The following NAA25 variants were observed in gnomAD, a reference collection of about 807,000 sequenced individuals.
NAA25 encodes the protein N-terminal acetyltransferase B complex subunit NAA25.
Under a neutral mutation model 132.5 loss-of-function variants are expected in NAA25, and 30 were observed. The ratio of observed to expected loss-of-function variants is 0.23; its 90% CI spans 0.17 to 0.31. The LOEUF (loss-of-function observed/expected upper bound fraction) is 0.31, where lower values mean the gene tolerates loss of function less well. Ranked by LOEUF, NAA25 falls within the 10% of genes least tolerant of loss-of-function variation. The probability of loss-of-function intolerance (pLI) is 1.00; values close to 1 mark genes in which losing one functional copy is unlikely to be tolerated. For missense variants in NAA25, 771 were observed against 1,150.4 expected (o/e 0.67, Z 4.77); for synonymous variants, 359 against 401.9 (o/e 0.89, Z 1.28).
At chr12:112,050,054 A>G (rs2136828516) in intron 15 of NAA25, among the ~76,000 whole-genome samples, 1 of 152,186 alleles carries the variant, frequency 6.6e-6, no homozygotes, top group East Asian at 1.9e-4. Flanking sequence ...ATTTAAAAAA[A>G]AAAAAAAAAA....
intron 1 of NAA25, among the ~76,000 whole-genome samples, chr12:112,095,806 T>C (rs1284046094): frequency 1.3e-5 from 2 of 152,092 alleles, no homozygotes; most frequent in Non-Finnish European, 2.9e-5. Context: ...AGTAAAATCA[T>C]CAGTGGTTGA....
At chr12:112,053,820 T>TAAAAAAA (rs1375852857) in intron 14 of NAA25, among the ~76,000 whole-genome samples, 163 bp from the exon 15 acceptor site, 1 of 109,876 alleles carries the variant, frequency 9.1e-6, no homozygotes, top group Admixed American at 9.0e-5. Flanking sequence ...CAGTTAAAAT[T>TAAAAAAA]TAAAAAAAAA....
Position 112,028,464 on chromosome 12 carries a change from T to C in NAA25, c.*1067A>G, listed in dbSNP as rs951900471. 2 of 152,300 alleles carry C rather than the reference T, an allele frequency of 1.3e-5. No homozygotes were observed. The highest frequency in any genetic ancestry group is 6.5e-5 in the Admixed American group (1 of 15,276). The allele number at this position is 152,300 out of a possible 1,614,324, so 9.4% of individuals were successfully genotyped here. On this transcript the variant is annotated 3_prime_UTR_variant, in exon 24 of 24. Coordinates refer to ENST00000261745, the MANE Select transcript of NAA25 (RefSeq NM_024953.4). Reference sequence around the variant, plus strand: ...ACCATCCTGTTATAATTCTCTAAGTTTGAAGAAAGTAGTCCAAACCTCAAA... The same window carrying C: ...ACCATCCTGTTATAATTCTCTAAGTCTGAAGAAAGTAGTCCAAACCTCAAA...
intron 1 of NAA25, among the ~76,000 whole-genome samples, chr12:112,095,716 G>GA (rs1566033989): frequency 1.3e-5 from 2 of 151,164 alleles, no homozygotes; most frequent in South Asian, 2.1e-4. Context: ...ATTGCTAAGG[G>GA]AAAAAAACCC....
At chr12:112,094,347 T>C (rs2079183150) in intron 1 of NAA25, among the ~76,000 whole-genome samples, 1 of 151,928 alleles carries the variant, frequency 6.6e-6, no homozygotes, top group Non-Finnish European at 1.5e-5. Context: ...GATTCAAGAC[T>C]ATACATATTT....
intron 1 of NAA25, among the ~76,000 whole-genome samples, chr12:112,108,031 T>G (rs555203901): frequency 6.6e-6 from 1 of 151,878 alleles, no homozygotes; most frequent in South Asian, 2.1e-4. Flanking sequence ...GGAGAAGCCC[T>G]CCAGTAGCTC....
chr12:112,040,643 C>T, intron 20 of NAA25, 65 bp from the exon 21 acceptor site: 2 of 837,848 alleles, frequency 2.4e-6, no homozygotes, highest in Non-Finnish European at 1.9e-6. Context: ...AGGAACACAA[C>T]ACACAAATAA....
chr12:112,080,951 G>C, intron 5 of NAA25, 109 bp downstream of exon 5: 2 of 906,410 alleles, frequency 2.2e-6, no homozygotes, highest in South Asian at 2.7e-5. Context: ...CTGGGTGACA[G>C]CGTGACCCTG....
chr12:112,100,083 C>A (rs2079270789), intron 1 of NAA25, among the ~76,000 whole-genome samples: 1 of 152,206 alleles, frequency 6.6e-6, no homozygotes, highest in Non-Finnish European at 1.5e-5. Flanking sequence ...TTGTTAAATA[C>A]CTACCATGTG....
At chr12:112,095,793 G>C (rs1196864683) in intron 1 of NAA25, among the ~76,000 whole-genome samples, 1 of 152,068 alleles carries the variant, frequency 6.6e-6, no homozygotes, top group Non-Finnish European at 1.5e-5. Flanking sequence ...AAACTATACA[G>C]ATAGTAAAAT....
intron 11 of NAA25, among the ~76,000 whole-genome samples, chr12:112,063,249 T>C (rs1006703987): frequency 3.9e-5 from 6 of 152,164 alleles, no homozygotes; most frequent in African/African-American, 1.4e-4. Flanking sequence ...CACAGAATCT[T>C]GGAAGACTCA....
At chr12:112,072,151 G>A (rs2136887413) in intron 9 of NAA25, 87 bp from the exon 10 acceptor site, 4 of 640,832 alleles carry the variant, frequency 6.2e-6, no homozygotes, top group Admixed American at 3.6e-5. Context: ...TTTAAAAAGA[G>A]AAAAACGACT....
chr12:112,094,551 G>A (rs2079185236), intron 1 of NAA25, among the ~76,000 whole-genome samples: 1 of 152,164 alleles, frequency 6.6e-6, no homozygotes, highest in African/African-American at 2.4e-5. Context: ...ACAGAGTTAA[G>A]TCTAATTTGC....
Position 112,029,455 on chromosome 12 carries a change from C to A in NAA25, c.*76G>T. On this transcript the variant is annotated 3_prime_UTR_variant, in exon 24 of 24. Coordinates refer to ENST00000261745, the MANE Select transcript of NAA25 (RefSeq NM_024953.4). ...AGTTCTGGATTAAAATCATGGTCAA[C>A]CAGATGTTGCTTTTGCCTGGGAAGA... The A allele has an allele frequency of 6.2e-7, 1 of 1,600,344 alleles. No homozygotes were observed. The highest frequency in any genetic ancestry group is 1.1e-5 in the South Asian group (1 of 89,350).
intron 2 of NAA25, among the ~76,000 whole-genome samples, chr12:112,092,544 T>C (rs529673998): frequency 6.6e-6 from 1 of 152,124 alleles, no homozygotes; most frequent in South Asian, 2.1e-4. Flanking sequence ...GGAGAATCAC[T>C]TGAATCTGGG....
intron 15 of NAA25, among the ~76,000 whole-genome samples, chr12:112,050,047 TAA>T (rs75376629): frequency 7.8e-4 from 101 of 128,776 alleles, no homozygotes; most frequent in Middle Eastern, 3.8e-3. Context: ...CCACTTTATT[TAA>T]AAAAAAAAAA....
intron 7 of NAA25, among the ~76,000 whole-genome samples, chr12:112,076,894 G>A (rs1033011972): frequency 6.6e-6 from 1 of 152,048 alleles, no homozygotes; most frequent in African/African-American, 2.4e-5. Flanking sequence ...TATTTAGGAG[G>A]CTGTGGTGAG....
chr12:112,030,945 T>A lies in NAA25; in HGVS notation c.2797-1292A>T, dbSNP rs75648992. On this transcript the variant is annotated intron_variant, in intron 23 of 23. Transcript: ENST00000261745. ...CTTGAATATAAAACTGAATTTAAAATTTTTTTTTTTTTTTAAAAGAGGCAG... is the reference window on the plus strand; with the variant it reads ...CTTGAATATAAAACTGAATTTAAAAATTTTTTTTTTTTTTAAAAGAGGCAG... Among the ~76,000 whole-genome samples, 691 of 77,940 alleles carry A rather than the reference T, an allele frequency of 8.9e-3. 5 individuals carry two copies. The highest frequency in any genetic ancestry group is 0.059 in the African/African-American group (385 of 6,534). 51.1% of individuals were successfully genotyped at this position (77,940 alleles called of 152,430 possible).
chr12:112,077,521 T>C (rs2078911203), intron 7 of NAA25, among the ~76,000 whole-genome samples: 2 of 151,066 alleles, frequency 1.3e-5, no homozygotes, highest in African/African-American at 4.9e-5. Flanking sequence ...TGGTGGTGTG[T>C]GCCCGTCGTC....
Sources: gnomAD v4.1 joint callset for allele counts (sites outside exome capture counted in the v4.1 genomes callset) on GRCh38, gnomAD v4.1.1 for gene constraint, MANE v1.5 for transcripts, NCBI Gene and HGNC (gene_info 2026-07-23, HGNC 2026-07-21) for gene names.